The following CD1A variants were observed in gnomAD, a reference collection of about 807,000 sequenced individuals.
The protein encoded by CD1A is CD1a molecule, also known as T-cell surface glycoprotein CD1a.
In CD1A, 50 loss-of-function variants were observed where a neutral mutation model predicts 38.3. That is an observed-to-expected ratio of 1.30 (90% confidence interval 1.04 to 1.65). CD1A has a LOEUF of 1.65. Ranked by LOEUF, CD1A falls within the 40% of genes most tolerant of loss-of-function variation. The probability of loss-of-function intolerance (pLI) is 0.00; values close to 1 mark genes in which losing one functional copy is unlikely to be tolerated. For synonymous variants in CD1A, 160 were observed against 150.8 expected, an observed-to-expected ratio of 1.06 and a Z score of -0.45; for missense variants, 459 against 406.1, an observed-to-expected ratio of 1.13 and a Z score of -1.12.
At position 158,255,292 on chromosome 1, in the gene CD1A, A is replaced by G. The variant is rs1277429678; in HGVS notation, c.267A>G (p.Ile89Met). The G allele has an allele frequency of 2.5e-6, 4 of 1,614,072 alleles. No homozygotes were observed. Among genetic ancestry groups the G allele is most frequent in the African/African-American group, 1.3e-5 (1 of 74,924 alleles). ...AGGAACTGGAAACATTATTCCGTAT[A>G]CGCACCATTCGGTCATTTGAGGGAA... ...EWKELETLFR[I>M]RTIRSFEGIR... The change falls in exon 2 of 6, where the codon ATA becomes ATG. Residue 89 changes from isoleucine (I) to methionine (M), a missense_variant. Ile to Met is a conservative substitution (Grantham distance 10). Coordinates refer to ENST00000289429, the MANE Select transcript of CD1A (RefSeq NM_001763.3).
chr1:158,251,709 C>T (rs1194038898), upstream of CD1A, among the ~76,000 whole-genome samples: 1 of 152,084 alleles, frequency 6.6e-6, no homozygotes, highest in Non-Finnish European at 1.5e-5. Flanking sequence ...GTGTTCCTGC[C>T]TTTCTTCCAG....
Position 158,257,483 on chromosome 1 carries a change from G to A in CD1A, c.946G>A (p.Gly316Ser), listed in dbSNP as rs777900868. 1 of 1,614,082 alleles carries A rather than the reference G, an allele frequency of 6.2e-7. No homozygotes were observed. The highest frequency in any genetic ancestry group is 8.5e-7 in the Non-Finnish European group (1 of 1,179,980). ...GATAGTGCCTTTACTTCTTCTGATA[G>A]GTCTTGCGCTTTGGTTCAGGAAACG... ...AVIVPLLLLIGLALWFRKRCF... is the reference protein window; with the variant it reads ...AVIVPLLLLISLALWFRKRCF... The change falls in exon 5 of 6, where the codon GGT (glycine) becomes AGT (serine). Residue 316 changes from glycine to serine, a missense_variant. Gly to Ser is a moderately conservative substitution (Grantham distance 56, BLOSUM62 0). Transcript: ENST00000289429.
At chr1:158,257,126 G>A (rs1650286170) in intron 4 of CD1A, 62 bp downstream of exon 4, 2 of 1,529,750 alleles carry the variant, frequency 1.3e-6, no homozygotes, top group Middle Eastern at 1.8e-4. Context: ...CATAGAGGGA[G>A]GGCAAGCTGA....
upstream of CD1A, among the ~76,000 whole-genome samples, chr1:158,250,236 C>T (rs1361113143): frequency 6.6e-6 from 1 of 152,140 alleles, no homozygotes; most frequent in Non-Finnish European, 1.5e-5. Context: ...TTGCCTGTGG[C>T]CCCAGACATT....
Position 158,257,484 on chromosome 1 carries a change from GT to G in CD1A, c.948del (p.Ala318ArgfsTer37), listed in dbSNP as rs1363729007. On this transcript the variant is annotated frameshift_variant, in exon 5 of 6. Transcript: ENST00000289429. LOFTEE classifies it low-confidence loss of function (END_TRUNC). ...ATAGTGCCTTTACTTCTTCTGATAG[GT>G]CTTGCGCTTTGGTTCAGGAAACGCT... is the stretch of plus-strand genomic sequence containing the variant. ...AVIVPLLLLI[G>X]LALWFRKRCF... 1.9e-6 allele frequency: 3 copies of G among 1,613,936 alleles called. No homozygotes were observed. The highest frequency in any genetic ancestry group is 2.5e-6 in the Non-Finnish European group (3 of 1,179,984).
chr1:158,256,279 C>CA lies in CD1A; in HGVS notation c.603dup (p.Val202SerfsTer40). On this transcript the variant is annotated frameshift_variant, in exon 3 of 6. Coordinates refer to ENST00000289429, the MANE Select transcript of CD1A (RefSeq NM_001763.3). LOFTEE classifies it high-confidence loss of function. ...TGCAGGAAAGGCACATCTCCAGCGG[C>CA]AAGGTCAGTCCTGCACTCTCCCTCC... The CA allele has an allele frequency of 6.2e-7, 1 of 1,613,000 alleles. No homozygotes were observed. The highest frequency in any genetic ancestry group is 8.5e-7 in the Non-Finnish European group (1 of 1,179,768).
upstream of CD1A, among the ~76,000 whole-genome samples, chr1:158,252,173 G>T (rs750792538): frequency 6.6e-6 from 1 of 151,184 alleles, no homozygotes; most frequent in Non-Finnish European, 1.5e-5. Flanking sequence ...AGATGGGTCT[G>T]GTTGGGACTT....
upstream of CD1A, among the ~76,000 whole-genome samples, chr1:158,253,448 T>C (rs2101629414): frequency 6.6e-6 from 1 of 152,300 alleles, no homozygotes; most frequent in East Asian, 1.9e-4. Context: ...CTCATGCCAG[T>C]AACTTGTACT....
At chr1:158,251,244 G>A (rs574579176), upstream of CD1A, among the ~76,000 whole-genome samples, 85 of 152,306 alleles carry the variant, frequency 5.6e-4, no homozygotes, top group African/African-American at 2.0e-3. Flanking sequence ...AGGCAGAAGA[G>A]GAGGAGGAAG....
In CD1A at chr1:158,258,239, C is replaced by T. The variant is rs1298122801; in HGVS notation, c.*549C>T. The T allele has an allele frequency of 6.6e-6, 1 of 152,654 alleles. No individual in the cohort carries two copies. The highest frequency in any genetic ancestry group is 1.5e-5 in the Non-Finnish European group (1 of 68,342). The allele number at this position is 152,654 out of a possible 1,614,324, so 9.5% of individuals were successfully genotyped here. On this transcript the variant is annotated 3_prime_UTR_variant, in exon 6 of 6. Transcript: ENST00000289429. The stretch of plus-strand genomic sequence containing the variant: ...ATCTTGCCTGCATGAAACATGTTCT[C>T]AATAAAACTCTGTGTTGAATTTATG...
intron 3 of CD1A, 85 bp downstream of exon 3, chr1:158,256,367 A>C (rs1650258109): frequency 7.4e-7 from 1 of 1,352,660 alleles, no homozygotes; most frequent in Non-Finnish European, 1.0e-6. Flanking sequence ...AATAAGGAAG[A>C]GCCACCCAGA....
chr1:158,251,512 C>T (rs1650087943), upstream of CD1A, among the ~76,000 whole-genome samples: 1 of 152,140 alleles, frequency 6.6e-6, no homozygotes, highest in Non-Finnish European at 1.5e-5. Context: ...TTTGGTGTTT[C>T]CTTTGTGAAA....
chr1:158,256,395 G>A, intron 3 of CD1A, 113 bp downstream of exon 3: 1 of 1,040,368 alleles, frequency 9.6e-7, no homozygotes, highest in Non-Finnish European at 1.4e-6. Context: ...AAGGCTGGGT[G>A]CAGTGCCTCA....
chr1:158,252,991 G>A (rs374188841), upstream of CD1A, among the ~76,000 whole-genome samples: 59 of 152,304 alleles, frequency 3.9e-4, 2 homozygotes, highest in South Asian at 0.012. Context: ...CAGCACTTTG[G>A]GAGGCTGACA....
Position 158,256,821 on chromosome 1 carries a change from C to A in CD1A, c.640C>A (p.Pro214Thr), listed in dbSNP as rs373170114. The change falls in exon 4 of 6, where the codon CCT becomes ACT. Residue 214 changes from proline to threonine, a missense_variant. Physicochemically the swap from Pro to Thr is conservative, Grantham distance 38 (BLOSUM62 -1). Transcript: ENST00000289429. The stretch of plus-strand genomic sequence containing the variant: ...GGCCTGGCTGTCCCATGGCCCCAGT[C>A]CTGGCCCTGGCCATCTGCAGCTTGT... ...PEAWLSHGPS[P>T]GPGHLQLVCH... is the part of the protein sequence containing the mutation. 2.4e-5 allele frequency: 38 copies of A among 1,614,122 alleles called. No homozygotes were observed. The highest frequency in any genetic ancestry group is 1.0e-4 in the Admixed American group (6 of 60,012).
At chr1:158,252,132 G>T (rs887040228), upstream of CD1A, among the ~76,000 whole-genome samples, 9 of 145,224 alleles carry the variant, frequency 6.2e-5, no homozygotes, top group Admixed American at 3.4e-4. Flanking sequence ...CCCGGCCACG[G>T]TTTTTTTTTT....
At chr1:158,251,531 G>C (rs531358327), upstream of CD1A, among the ~76,000 whole-genome samples, 11 of 152,306 alleles carry the variant, frequency 7.2e-5, no homozygotes, top group East Asian at 2.1e-3. Context: ...AATATCTCTA[G>C]AGGACCTACC....
Position 158,254,566 on chromosome 1 carries a change from G to A in CD1A, c.-104G>A. ...GCAGTCAGGGGAGGTTTGTCTGTTGGCTGCAGAAAGAAGTCAGAATAGAGA... is the reference window on the plus strand; with the variant it reads ...GCAGTCAGGGGAGGTTTGTCTGTTGACTGCAGAAAGAAGTCAGAATAGAGA... On this transcript the variant is annotated 5_prime_UTR_variant, in exon 1 of 6. Coordinates refer to ENST00000289429, the MANE Select transcript of CD1A (RefSeq NM_001763.3). 1.3e-6 allele frequency: 2 copies of A among 1,587,148 alleles called. No individual in the cohort carries two copies. Among genetic ancestry groups the A allele is most frequent in the Non-Finnish European group, 1.7e-6 (2 of 1,167,374 alleles).
In CD1A at chr1:158,256,670, T is replaced by C. The variant is rs1489829189; in HGVS notation, c.605-116T>C. On this transcript the variant is annotated intron_variant, in intron 3 of 5. Transcript: ENST00000289429. ...GCAGCATAGTGACAGAGTGAGACCC[T>C]GTCTCAAAAAAAAAAAAAAGAGAAA... 3 of 1,174,166 alleles carry C rather than the reference T, an allele frequency of 2.6e-6. No individual in the cohort carries two copies. In the African/African-American group the frequency reaches 5.7e-5, roughly 22 times the overall value. 72.7% of individuals were successfully genotyped at this position (1,174,166 alleles called of 1,614,324 possible).
Sources: gnomAD v4.1 joint callset for allele counts (sites outside exome capture counted in the v4.1 genomes callset) on GRCh38, gnomAD v4.1.1 for gene constraint, MANE v1.5 for transcripts, NCBI Gene and HGNC (gene_info 2026-07-23, HGNC 2026-07-21) for gene names.